PDE11A: variants seen among roughly 807,000 people sequenced by gnomAD.
PDE11A encodes phosphodiesterase 11A.
PDE11A carries 100 observed loss-of-function variants against 100.5 expected under a neutral mutation model. The ratio of observed to expected loss-of-function variants is 1.00; its 90% CI spans 0.85 to 1.18. The LOEUF (loss-of-function observed/expected upper bound fraction) is 1.18, where lower values mean the gene tolerates loss of function less well. PDE11A is among the 50% of genes most tolerant of loss of function. The pLI is 0.00. For synonymous variants in PDE11A, 381 were observed against 420.8 expected, an observed-to-expected ratio of 0.91 and a Z score of 1.16; for missense variants, 1,141 against 1,152.6, an observed-to-expected ratio of 0.99 and a Z score of 0.15.
At chr2:177,839,293 C>T (rs888816653) in intron 6 of PDE11A, among the ~76,000 whole-genome samples, 2 of 152,168 alleles carry the variant, frequency 1.3e-5, no homozygotes, top group African/African-American at 4.8e-5. Flanking sequence ...TAGAGCAGCT[C>T]TCAATTTCTG....
intron 1 of PDE11A, among the ~76,000 whole-genome samples, chr2:178,055,928 A>G (rs879821991): frequency 6.6e-6 from 1 of 152,024 alleles, no homozygotes; most frequent in African/African-American, 2.4e-5. Context: ...CTGGGGTGAT[A>G]TTTTTTTAAA....
chr2:177,693,959 G>A (rs974322749), intron 15 of PDE11A, among the ~76,000 whole-genome samples: 3 of 152,190 alleles, frequency 2.0e-5, no homozygotes, highest in Non-Finnish European at 2.9e-5. Context: ...TAACTCTAGG[G>A]ATTGTTCTGG....
In PDE11A at chr2:177,844,247, T is replaced by C. The variant is rs1240756997; in HGVS notation, c.1368-3864A>G. 3.9e-5 allele frequency among the ~76,000 whole-genome samples: 6 copies of C among 152,218 alleles called. No individual in the cohort carries two copies. In the South Asian group the frequency reaches 8.3e-4, roughly 21 times the overall value. On this transcript the variant is annotated intron_variant, in intron 5 of 19. Coordinates refer to ENST00000286063, the MANE Select transcript of PDE11A (RefSeq NM_016953.4). ...TCAAGGCACTGGCAGATTCAGTATC[T>C]AGTGCCTTCTTGCTTTAGTTCAGTG...
At chr2:178,067,123 A>G (rs1440695567) in intron 1 of PDE11A, among the ~76,000 whole-genome samples, 1 of 151,806 alleles carries the variant, frequency 6.6e-6, no homozygotes, top group African/African-American at 2.4e-5. Flanking sequence ...GCCACTTCCC[A>G]TCTGTCTCCT....
intron 15 of PDE11A, among the ~76,000 whole-genome samples, chr2:177,692,500 T>C (rs1424240264): frequency 6.6e-6 from 1 of 152,216 alleles, no homozygotes; most frequent in Non-Finnish European, 1.5e-5. Flanking sequence ...TATACCCCTG[T>C]TGCTGACAAG....
chr2:177,687,549 T>C (rs2080971260), intron 15 of PDE11A: 1 of 152,238 alleles, frequency 6.6e-6, no homozygotes. Context: ...TCTATTATTA[T>C]ACCACTGTCT....
intron 2 of PDE11A, among the ~76,000 whole-genome samples, chr2:177,993,132 A>G (rs760518339): frequency 1.3e-5 from 2 of 152,152 alleles, no homozygotes; most frequent in Non-Finnish European, 2.9e-5. Flanking sequence ...TCACCAAGGA[A>G]ATACAGAGCT....
chr2:177,920,526 G>C (rs966630869), intron 2 of PDE11A, among the ~76,000 whole-genome samples: 4 of 151,928 alleles, frequency 2.6e-5, no homozygotes, highest in Non-Finnish European at 5.9e-5. Context: ...AATACCCAGG[G>C]CCAATAATAA....
chr2:177,914,755 A>C (rs1444679152), intron 2 of PDE11A, among the ~76,000 whole-genome samples: 1 of 152,118 alleles, frequency 6.6e-6, no homozygotes, highest in African/African-American at 2.4e-5. Flanking sequence ...CTCTTACACT[A>C]TTTTCTGATG....
chr2:177,894,155 T>C (rs925445915), intron 4 of PDE11A, among the ~76,000 whole-genome samples: 1 of 152,168 alleles, frequency 6.6e-6, no homozygotes, highest in Non-Finnish European at 1.5e-5. Flanking sequence ...TAATTTCTAC[T>C]GTACAACTTG....
intron 2 of PDE11A, among the ~76,000 whole-genome samples, chr2:177,957,226 C>G (rs2085576093): frequency 6.6e-6 from 1 of 151,954 alleles, no homozygotes; most frequent in Admixed American, 6.6e-5. Context: ...TTCTTGAAAA[C>G]TCAATACTGT....
intron 9 of PDE11A, among the ~76,000 whole-genome samples, chr2:177,795,314 TGACAG>T (rs1346683324): frequency 3.3e-5 from 5 of 152,144 alleles, no homozygotes; most frequent in African/African-American, 1.2e-4. Context: ...TGACATCTGA[TGACAG>T]GAACGGGAAG....
intron 2 of PDE11A, among the ~76,000 whole-genome samples, chr2:177,947,028 CCGCCCGGCCAG>C: frequency 8.1e-6 from 1 of 123,240 alleles, no homozygotes; most frequent in East Asian, 2.5e-4. Flanking sequence ...GGTCAGCCCC[CCGCCCGGCCAG>C]CCGCCCCGTC....
At chr2:177,948,204 A>G (rs964162546) in intron 2 of PDE11A, among the ~76,000 whole-genome samples, 2 of 152,194 alleles carry the variant, frequency 1.3e-5, no homozygotes, top group Non-Finnish European at 2.9e-5. Context: ...TTATTCTCTT[A>G]CTATTTTCTA....
intron 12 of PDE11A, among the ~76,000 whole-genome samples, chr2:177,720,499 T>C (rs2081510809): frequency 6.6e-6 from 1 of 152,142 alleles, no homozygotes; most frequent in Non-Finnish European, 1.5e-5. Flanking sequence ...CCTCGGCATT[T>C]ACAGTAAAGT....
At chr2:178,032,392 G>A (rs574732764) in intron 1 of PDE11A, among the ~76,000 whole-genome samples, 37 of 152,056 alleles carry the variant, frequency 2.4e-4, no homozygotes, top group African/African-American at 8.0e-4. Context: ...GCTGAGGCAG[G>A]AGAATTGCTT....
chr2:177,765,286 A>G (rs1438708794), intron 10 of PDE11A, among the ~76,000 whole-genome samples: 1 of 152,252 alleles, frequency 6.6e-6, no homozygotes, highest in Admixed American at 6.5e-5. Context: ...GCATCAGCCT[A>G]GCATTAATGA....
At chr2:177,888,512 T>G (rs1045301700) in intron 4 of PDE11A, 1 of 153,296 alleles carries the variant, frequency 6.5e-6, no homozygotes, top group Non-Finnish European at 1.4e-5. Context: ...AATGCCATTA[T>G]AGCTAAAGGT....
intron 2 of PDE11A, among the ~76,000 whole-genome samples, chr2:178,078,803 C>T (rs533638537): frequency 1.4e-4 from 22 of 152,132 alleles, no homozygotes; most frequent in South Asian, 6.2e-4. Context: ...TCTTCATAAA[C>T]GTAACTTTGC....
Sources: allele counts gnomAD v4.1 joint callset (sites outside exome capture counted in the v4.1 genomes callset), GRCh38; gene constraint gnomAD v4.1.1; transcripts MANE v1.5; gene names NCBI Gene and HGNC (gene_info 2026-07-23, HGNC 2026-07-21).